Variants in DNAH3 observed in about 807,000 individuals in gnomAD.
DNAH3 encodes axonemal beta dynein heavy chain 3.
A neutral mutation model predicts 432.5 loss-of-function variants in DNAH3; 332 were observed. That is an observed-to-expected ratio of 0.77 (90% CI 0.70 to 0.84). The LOEUF is 0.84. DNAH3 is among the 40% of genes least tolerant of loss of function. The pLI, the probability that DNAH3 is intolerant of heterozygous loss-of-function variation, is 0.00. For synonymous variants in DNAH3, 1,956 were observed against 1,900.2 expected (o/e 1.03, Z -0.76); for missense variants, 4,861 against 5,114.0 (o/e 0.95, Z 1.51).
In DNAH3 at chr16:21,127,578, G is replaced by C. The variant is rs888783564; in HGVS notation, c.1208+109C>G. ...TCTGTCTCAAAAAAAAAAAAGACAC[G>C]AAAGGATGCCAGTGGGACAAACCCC... On this transcript the variant is annotated intron_variant, in intron 8 of 61. Transcript: ENST00000261383. 2.3e-6 allele frequency: 3 copies of C among 1,315,218 alleles called. No individual in the cohort carries two copies. In the African/African-American group the frequency reaches 4.5e-5, roughly 20 times the overall value. The allele number at this position is 1,315,218 out of a possible 1,614,324, so 81.5% of individuals were successfully genotyped here.
At chr16:21,142,803 G>A (rs752164871) in intron 3 of DNAH3, among the ~76,000 whole-genome samples, 1 of 151,996 alleles carries the variant, frequency 6.6e-6, no homozygotes, top group Non-Finnish European at 1.5e-5. Context: ...ACAGGCGCAT[G>A]CCACCACACC....
At chr16:20,969,084 C>CTG (rs745444835) in intron 52 of DNAH3, among the ~76,000 whole-genome samples, 112 of 110,720 alleles carry the variant, frequency 1.0e-3, no homozygotes, top group Admixed American at 2.2e-3. Context: ...CTTTTTCTTT[C>CTG]TCTGTGTGTG....
chr16:20,988,835 TTTTCCTTCTGGTGGGTTC>T (rs1463422548), intron 44 of DNAH3, among the ~76,000 whole-genome samples: 1 of 152,038 alleles, frequency 6.6e-6, no homozygotes, highest in Non-Finnish European at 1.5e-5. Context: ...GTTCGGAGTT[TTTTCCTTCTGGTGGGTTC>T]GTCATCTCGC....
At chr16:21,114,825 C>T (rs2092150350) in intron 12 of DNAH3, among the ~76,000 whole-genome samples, 1 of 152,188 alleles carries the variant, frequency 6.6e-6, no homozygotes, top group Non-Finnish European at 1.5e-5. Flanking sequence ...TTGTGGAAGA[C>T]AGTGTGGTGA....
intron 49 of DNAH3, among the ~76,000 whole-genome samples, chr16:20,980,231 T>A (rs1433290837): frequency 1.9e-5 from 2 of 104,170 alleles, no homozygotes; most frequent in Non-Finnish European, 4.4e-5. Context: ...ATTATTTATT[T>A]ATATTATATA....
At chr16:21,100,491 A>C (rs1482038960) in intron 16 of DNAH3, among the ~76,000 whole-genome samples, 1 of 152,226 alleles carries the variant, frequency 6.6e-6, no homozygotes, top group Non-Finnish European at 1.5e-5. Flanking sequence ...TTCACTCATT[A>C]AAATGGTGAA....
intron 21 of DNAH3, among the ~76,000 whole-genome samples, chr16:21,075,098 A>T (rs972097729): frequency 6.6e-6 from 1 of 152,184 alleles, no homozygotes; most frequent in Non-Finnish European, 1.5e-5. Context: ...GAGAAACACT[A>T]GTCATTGTCT....
At chr16:21,106,503 A>G (rs2091950321) in exon 15 of DNAH3, 43 of 1,605,118 alleles carry the variant, frequency 2.7e-5, no homozygotes, top group Non-Finnish European at 3.7e-5. Flanking sequence ...GCAAGTCTGC[A>G]TAGTCCATCA....
At chr16:21,152,973 A>G (rs943771655) in intron 1 of DNAH3, among the ~76,000 whole-genome samples, 2 of 152,172 alleles carry the variant, frequency 1.3e-5, no homozygotes, top group Non-Finnish European at 2.9e-5. Flanking sequence ...CCAAGGGCTG[A>G]GGAGTGCGGG....
intron 24 of DNAH3, among the ~76,000 whole-genome samples, chr16:21,067,037 A>C (rs1166090709): frequency 6.6e-6 from 1 of 152,202 alleles, no homozygotes; most frequent in East Asian, 1.9e-4. Context: ...TACCCCCGTA[A>C]TTAGGAAAAA....
intron 44 of DNAH3, among the ~76,000 whole-genome samples, chr16:20,988,828 C>T (rs188363995): frequency 1.3e-5 from 2 of 151,768 alleles, no homozygotes; most frequent in Non-Finnish European, 2.9e-5. Flanking sequence ...CGAATGTGTT[C>T]GGAGTTTTTT....
intron 19 of DNAH3, among the ~76,000 whole-genome samples, chr16:21,085,065 C>G (rs1316632707): frequency 1.3e-5 from 2 of 151,720 alleles, no homozygotes; most frequent in Non-Finnish European, 2.9e-5. Context: ...CTGCGGATCC[C>G]TCTGCTGGGG....
chr16:21,152,091 G>T (rs543986377), intron 1 of DNAH3, among the ~76,000 whole-genome samples: 2 of 151,904 alleles, frequency 1.3e-5, no homozygotes, highest in South Asian at 4.2e-4. Context: ...AAAATTAGCC[G>T]GGCATGGTGG....
At chr16:21,039,981 C>T in intron 32 of DNAH3, 38 bp from the exon 33 acceptor site, 1 of 1,510,446 alleles carries the variant, frequency 6.6e-7, no homozygotes, top group Non-Finnish European at 9.2e-7. Flanking sequence ...GGAACACGTG[C>T]AGTGAATACT....
chr16:20,985,565 G>C (rs2086150799), exon 48 of DNAH3: 1 of 1,614,174 alleles, frequency 6.2e-7, no homozygotes, highest in South Asian at 1.1e-5. Context: ...AATTCTTCCA[G>C]ATAGTGCTCC....
At chr16:21,089,421 T>C (rs564758966) in intron 18 of DNAH3, among the ~76,000 whole-genome samples, 2 of 152,346 alleles carry the variant, frequency 1.3e-5, no homozygotes, top group South Asian at 2.1e-4. Flanking sequence ...CATTCTTTTT[T>C]ATTGCAAATA....
Position 21,141,376 on chromosome 16 carries a change from G to A in DNAH3, c.449-4C>T, listed in dbSNP as rs2092716835. 2 of 1,580,070 alleles carry A rather than the reference G, an allele frequency of 1.3e-6. No individual in the cohort carries two copies. The highest frequency in any genetic ancestry group is 2.3e-5 in the South Asian group (2 of 87,284). ...GGCTCTGATGAGCTTCTATTTCCTG[G>A]AAGAATGGAGAAGAAAGACATCAGT... On this transcript the variant is annotated splice_polypyrimidine_tract_variant and splice_region_variant and intron_variant, in intron 3 of 61. Coordinates refer to ENST00000261383, the Ensembl canonical transcript of DNAH3.
chr16:21,143,184 G>A (rs1376308042), intron 3 of DNAH3, among the ~76,000 whole-genome samples: 2 of 152,000 alleles, frequency 1.3e-5, no homozygotes, highest in East Asian at 3.9e-4. Flanking sequence ...TAATAATTTT[G>A]GACTAAGAAA....
intron 24 of DNAH3, among the ~76,000 whole-genome samples, chr16:21,063,167 G>A (rs1420295586): frequency 1.3e-5 from 2 of 152,172 alleles, no homozygotes; most frequent in Admixed American, 6.5e-5. Context: ...TCTCAGCTTT[G>A]GCTGCACTTT....
Sources: allele counts gnomAD v4.1 joint callset (sites outside exome capture counted in the v4.1 genomes callset), GRCh38; gene constraint gnomAD v4.1.1; transcripts MANE v1.5; gene names NCBI Gene and HGNC (gene_info 2026-07-23, HGNC 2026-07-21).